AAGAB: variants seen among roughly 807,000 people sequenced by gnomAD.
AAGAB encodes alpha- and gamma-adaptin-binding protein p34.
In AAGAB, 38 loss-of-function variants were observed where a neutral mutation model predicts 44.1. That is an observed-to-expected ratio of 0.86 (90% CI 0.67 to 1.13). The LOEUF (loss-of-function observed/expected upper bound fraction) is 1.13, where lower values mean the gene tolerates loss of function less well. AAGAB is among the 50% of genes most tolerant of loss of function. AAGAB has a pLI of 0.00. For synonymous variants in AAGAB, 131 were observed against 131.8 expected (o/e 0.99, Z 0.04); for missense variants, 450 against 373.8 (o/e 1.20, Z -1.68).
chr15:67,244,340 A>T (rs571563760), intron 1 of AAGAB, among the ~76,000 whole-genome samples: 21 of 152,344 alleles, frequency 1.4e-4, no homozygotes, highest in South Asian at 8.3e-4. Flanking sequence ...CTAATAAGTA[A>T]GACATTATTG....
chr15:67,230,442 G>A (rs980706395), intron 5 of AAGAB, among the ~76,000 whole-genome samples: 3 of 152,140 alleles, frequency 2.0e-5, no homozygotes, highest in Non-Finnish European at 4.4e-5. Flanking sequence ...ATAAAAAGGG[G>A]AAAATGTGGA....
intron 5 of AAGAB, among the ~76,000 whole-genome samples, chr15:67,221,867 T>C (rs1227742397): frequency 6.6e-6 from 1 of 152,198 alleles, no homozygotes. Flanking sequence ...TTCCTCCATT[T>C]TATGGATGTT....
At chr15:67,216,469 CAAG>C (rs1963952232) in intron 5 of AAGAB, among the ~76,000 whole-genome samples, 1 of 70,964 alleles carries the variant, frequency 1.4e-5, no homozygotes, top group Non-Finnish European at 2.9e-5. Context: ...AAAAAAAAAA[CAAG>C]AAGAAAATTA....
At position 67,202,861 on chromosome 15, in the gene AAGAB, C is replaced by G. The variant is rs1963597848; in HGVS notation, c.908G>C (p.Arg303Thr). ...KAFWMAIGGDRDEIEGLSSDE... is the reference protein window; with the variant it reads ...KAFWMAIGGDTDEIEGLSSDE... ...AGATGAAAGGCCTTCAATTTCATCTCTGTCTCCCCCGATTGCCATCCAGAA... is the reference window on the plus strand; with the variant it reads ...AGATGAAAGGCCTTCAATTTCATCTGTGTCTCCCCCGATTGCCATCCAGAA... Residue 303 changes from arginine (R) to threonine (T), a missense_variant, in exon 10 of 10, where the codon AGA becomes ACA. Transcript: ENST00000261880. The G allele has an allele frequency of 2.5e-6, 4 of 1,614,102 alleles. No homozygotes were observed. The highest frequency in any genetic ancestry group is 2.5e-6 in the Non-Finnish European group (3 of 1,179,962).
intron 1 of AAGAB, among the ~76,000 whole-genome samples, chr15:67,240,007 T>A (rs2140385508): frequency 6.6e-6 from 1 of 152,322 alleles, no homozygotes; most frequent in Non-Finnish European, 1.5e-5. Flanking sequence ...TTCGCCAACA[T>A]TCTTTCCTAC....
At chr15:67,235,879 GAA>G (rs1964448686) in intron 4 of AAGAB, 98 bp downstream of exon 4, 1 of 912,342 alleles carries the variant, frequency 1.1e-6, no homozygotes, top group South Asian at 1.7e-5. Context: ...AACAGCTGGG[GAA>G]AAAAGTTTCT....
chr15:67,253,774 A>AG (rs756897433), intron 1 of AAGAB, among the ~76,000 whole-genome samples: 3 of 151,960 alleles, frequency 2.0e-5, no homozygotes, highest in Admixed American at 6.6e-5. Flanking sequence ...AAAAAAGAAA[A>AG]GAAGGAAGGA....
rs751517515 is a variant in AAGAB at position 67,236,774 on chromosome 15, A to G, written c.120T>C (p.Asp40=). Residue 40 remains aspartate (D), a synonymous_variant, in exon 2 of 10, where the codon GAT becomes GAC. Coordinates refer to ENST00000261880, the MANE Select transcript of AAGAB (RefSeq NM_024666.5). ...TGGTCCAGGGATAAAATCTCACAGCATCATTGGAAGTCACTTCCACAATAA... is the reference window on the plus strand; with the variant it reads ...TGGTCCAGGGATAAAATCTCACAGCGTCATTGGAAGTCACTTCCACAATAA... ...EDLIVEVTSN[D]AVRFYPWTID... 6.2e-7 allele frequency: 1 copy of G among 1,612,356 alleles called. No homozygotes were observed. Among genetic ancestry groups the G allele is most frequent in the Non-Finnish European group, 8.5e-7 (1 of 1,179,352 alleles).
upstream of AAGAB, chr15:67,254,869 G>A (rs746262191): frequency 6.2e-7 from 1 of 1,610,962 alleles, no homozygotes; most frequent in Non-Finnish European, 8.5e-7. Flanking sequence ...CCGCGCCTCC[G>A]CGGAGGTAGC....
chr15:67,249,665 A>C (rs1307281934), intron 1 of AAGAB, among the ~76,000 whole-genome samples: 3 of 152,212 alleles, frequency 2.0e-5, no homozygotes, highest in Non-Finnish European at 4.4e-5. Context: ...TTAGGGGTTA[A>C]TCGTCTCTCT....
intron 1 of AAGAB, chr15:67,242,692 C>T (rs1053065180): frequency 2.0e-5 from 3 of 152,188 alleles, no homozygotes; most frequent in African/African-American, 7.2e-5. Context: ...ACTTTACAGA[C>T]AAATGTCAGG....
rs139839071 is a variant in AAGAB at position 67,231,724 on chromosome 15, T to A, written c.535+90A>T. 9.7e-6 allele frequency: 10 copies of A among 1,027,988 alleles called. No individual in the cohort carries two copies. The East Asian group carries it at 1.5e-4, about 16-fold the overall frequency. 63.7% of individuals were successfully genotyped at this position (1,027,988 alleles called of 1,614,324 possible). On this transcript the variant is annotated intron_variant, in intron 5 of 9. Transcript: ENST00000261880. Reference sequence around the variant, plus strand: ...AATTGGAACAAATCTACAGATTTCATATAGCACTAATGGTTCCACATATAT... The same window carrying A: ...AATTGGAACAAATCTACAGATTTCAAATAGCACTAATGGTTCCACATATAT...
At chr15:67,242,485 G>T (rs1022682251) in intron 1 of AAGAB, among the ~76,000 whole-genome samples, 2 of 145,546 alleles carry the variant, frequency 1.4e-5, no homozygotes, top group East Asian at 2.0e-4. Flanking sequence ...GATTCATACT[G>T]TTGCAAGCAA....
chr15:67,235,940 T>A (rs1964450391), intron 4 of AAGAB, 39 bp downstream of exon 4: 1 of 1,382,580 alleles, frequency 7.2e-7, no homozygotes, highest in East Asian at 2.3e-5. Flanking sequence ...ATCTCTCATA[T>A]CTAAGTGCCA....
chr15:67,235,969 A>T lies in AAGAB; in HGVS notation c.451+10T>A. 6.3e-7 allele frequency: 1 copy of T among 1,582,922 alleles called. No homozygotes were observed. The highest frequency in any genetic ancestry group is 8.6e-7 in the Non-Finnish European group (1 of 1,156,196). On this transcript the variant is annotated intron_variant, in intron 4 of 9. Coordinates refer to ENST00000261880, the MANE Select transcript of AAGAB (RefSeq NM_024666.5). ...AGTGCCATATTTTCTCCTAACACAT[A>T]AACACTTACCATCCTCCTCAGGCAA...
rs1452258704 is a variant in AAGAB at position 67,236,611 on chromosome 15, A to G, written c.264+19T>C. 7 of 1,609,596 alleles carry G rather than the reference A, an allele frequency of 4.3e-6. No individual in the cohort carries two copies. The African/African-American group carries it at 8.0e-5, about 18-fold the overall frequency. ...GCAATAATTTCTTATTCAAGCCTTC[A>G]TAGAAAACAAAGTCTTACTTGTGTG... On this transcript the variant is annotated intron_variant, in intron 2 of 9. Coordinates refer to ENST00000261880, the MANE Select transcript of AAGAB (RefSeq NM_024666.5).
At chr15:67,212,577 C>T (rs578108654) in intron 5 of AAGAB, among the ~76,000 whole-genome samples, 38 of 152,218 alleles carry the variant, frequency 2.5e-4, no homozygotes, top group African/African-American at 8.7e-4. Flanking sequence ...GCCAGAAGGA[C>T]TTTTGCTCAT....
upstream of AAGAB, chr15:67,255,012 GCGCCGATTCA>G: frequency 6.7e-7 from 1 of 1,499,088 alleles, no homozygotes. Context: ...GAGGTCCCGC[GCGCCGATTCA>G]CCGACGCTCA....
chr15:67,227,263 C>T lies in AAGAB; in HGVS notation c.535+4551G>A, dbSNP rs771726610. 2.6e-5 allele frequency among the ~76,000 whole-genome samples: 4 copies of T among 151,728 alleles called. 1 individual carries two copies. Among genetic ancestry groups the T allele is most frequent in the South Asian group, 4.1e-4 (2 of 4,830 alleles). On this transcript the variant is annotated intron_variant, in intron 5 of 9. Coordinates refer to ENST00000261880, the MANE Select transcript of AAGAB (RefSeq NM_024666.5). ...ATCAATTGTGATTACAGTAATTTTT[C>T]GAACCAAAACAACAACAAAAATTGG...
Sources: allele counts gnomAD v4.1 joint callset (sites outside exome capture counted in the v4.1 genomes callset), GRCh38; gene constraint gnomAD v4.1.1; transcripts MANE v1.5; gene names NCBI Gene and HGNC (gene_info 2026-07-23, HGNC 2026-07-21).